The following KIAA0753 variants were observed in gnomAD, a reference collection of about 807,000 sequenced individuals.
KIAA0753 encodes the protein KIAA0753, also known as protein moonraker.
KIAA0753 carries 114 observed loss-of-function variants against 116.9 expected under a neutral mutation model. The ratio of observed to expected loss-of-function variants is 0.98; its 90% CI spans 0.84 to 1.14. The LOEUF (loss-of-function observed/expected upper bound fraction) is 1.14, where lower values mean the gene tolerates loss of function less well. Ranked by LOEUF, KIAA0753 falls within the 50% of genes most tolerant of loss-of-function variation. The pLI is 0.00. For synonymous variants in KIAA0753, 405 were observed against 413.1 expected (o/e 0.98, Z 0.24); for missense variants, 1,156 against 1,172.4 (o/e 0.99, Z 0.20).
chr17:6,590,547 C>A lies in KIAA0753; in HGVS notation c.2524G>T (p.Ala842Ser). Residue 842 changes from alanine (A) to serine (S), a missense_variant, in exon 17 of 19, where the codon GCC becomes TCC. By Grantham distance (99) the Ala-to-Ser change is moderately conservative. Transcript: ENST00000361413. ...GGCCTTTCTAACATGATGTTCACGG[C>A]TGGATCCTTGCGATCCACTGTCTTC... is the stretch of plus-strand genomic sequence containing the variant. ...ITKTVDRKDP[A>S]VNIMLERPCN... The A allele has an allele frequency of 6.2e-7, 1 of 1,614,032 alleles. No individual in the cohort carries two copies. The highest frequency in any genetic ancestry group is 1.1e-5 in the South Asian group (1 of 91,072).
chr17:6,640,038 C>T (rs1198832632), intron 1 of KIAA0753: 2 of 152,962 alleles, frequency 1.3e-5, no homozygotes, highest in Non-Finnish European at 2.9e-5. Flanking sequence ...CCTCATTCGC[C>T]CCGGCGGCGT....
intron 3 of KIAA0753, among the ~76,000 whole-genome samples, chr17:6,627,055 A>G (rs535440028): frequency 6.6e-6 from 1 of 152,270 alleles, no homozygotes; most frequent in Admixed American, 6.5e-5. Flanking sequence ...ATTATACAAC[A>G]CACTCTTTAA....
intron 16 of KIAA0753, among the ~76,000 whole-genome samples, chr17:6,593,762 T>C (rs559372586): frequency 1.5e-4 from 23 of 152,350 alleles, no homozygotes; most frequent in African/African-American, 5.3e-4. Flanking sequence ...CACACACCTG[T>C]AGTCCCAGCT....
chr17:6,599,084 G>A (rs1969674849), intron 14 of KIAA0753, among the ~76,000 whole-genome samples, 153 bp downstream of exon 14: 1 of 152,188 alleles, frequency 6.6e-6, no homozygotes, highest in Non-Finnish European at 1.5e-5. Context: ...AATATACACT[G>A]GAAGAATTAA....
chr17:6,583,613 T>C (rs977813450), intron 18 of KIAA0753, among the ~76,000 whole-genome samples: 2 of 152,372 alleles, frequency 1.3e-5, no homozygotes, highest in Admixed American at 6.5e-5. Flanking sequence ...AATATTTTCT[T>C]CTGTTGTGTC....
At chr17:6,590,033 T>C in intron 17 of KIAA0753, 30 bp from the exon 18 acceptor site, 1 of 1,462,400 alleles carries the variant, frequency 6.8e-7, no homozygotes, top group South Asian at 1.4e-5. Context: ...ATGAAAGCAT[T>C]CAAGATCATC....
chr17:6,618,148 G>T (rs1971061846), intron 7 of KIAA0753, among the ~76,000 whole-genome samples: 1 of 152,072 alleles, frequency 6.6e-6, no homozygotes. Context: ...TACAGGGTTT[G>T]GGGAGCTCCC....
In KIAA0753 at chr17:6,628,412, G is replaced by A; in HGVS notation, c.423C>T (p.Asp141=). Residue 141 remains aspartate, a synonymous_variant, in exon 3 of 19, where the codon GAC becomes GAT. Transcript: ENST00000361413. ...KCGHTKYKIP[D]HRVERKESKS... ...TTGATTCCTTCCTTTCCACCCTGTG[G>A]TCGGGTATTTTATACTTAGTATGTC... The A allele has an allele frequency of 1.2e-6, 2 of 1,614,194 alleles. No homozygotes were observed. Among genetic ancestry groups the A allele is most frequent in the African/African-American group, 1.3e-5 (1 of 75,058 alleles).
intron 9 of KIAA0753, among the ~76,000 whole-genome samples, chr17:6,609,400 GCTC>G (rs1262160001): frequency 6.6e-6 from 1 of 152,134 alleles, no homozygotes; most frequent in Non-Finnish European, 1.5e-5. Context: ...ACTGGACCCT[GCTC>G]CTCTTCTCTC....
Position 6,639,813 on chromosome 17 carries a change from G to A in KIAA0753, c.-69+824C>T, listed in dbSNP as rs544711530. 1 of 152,930 alleles carries A rather than the reference G, an allele frequency of 6.5e-6. No individual in the cohort carries two copies. Among genetic ancestry groups the A allele is most frequent in the South Asian group, 2.1e-4 (1 of 4,842 alleles). The allele number at this position is 152,930 out of a possible 1,614,324, so 9.5% of individuals were successfully genotyped here. A position where few individuals can be genotyped will look rare whatever the true frequency, so the allele number is the denominator to read the frequency against. ...TCATAGCCTGCACCTTCAGCCACAG[G>A]TGCAGAATGCTCTCATGGCCCAGAG... On this transcript the variant is annotated intron_variant, in intron 1 of 18. Coordinates refer to ENST00000361413, the MANE Select transcript of KIAA0753 (RefSeq NM_014804.3). This position sits in a 1 kb window ranked among gnomAD's most constrained non-coding sequence, Gnocchi z 4.3.
chr17:6,622,957 A>T lies in KIAA0753; in HGVS notation c.1029T>A (p.Leu343=). The stretch of plus-strand genomic sequence containing the variant: ...CATCCAGCTTGACAGAACAAAGTGA[A>T]AGCTGGCGAATAAGGCTGCCCAGTT... ...CKELGSLIRQ[L]SLCSVKLDAD... is the part of the protein sequence containing the mutation. Residue 343 remains leucine, a synonymous_variant, in exon 6 of 19, where the codon CTT becomes CTA. Transcript: ENST00000361413. 2 of 1,614,194 alleles carry T rather than the reference A, an allele frequency of 1.2e-6. No homozygotes were observed. The highest frequency in any genetic ancestry group is 1.7e-6 in the Non-Finnish European group (2 of 1,180,014).
chr17:6,628,540 A>T lies in KIAA0753; in HGVS notation c.295T>A (p.Tyr99Asn). The T allele has an allele frequency of 2.5e-6, 4 of 1,614,208 alleles. No homozygotes were observed. Among genetic ancestry groups the T allele is most frequent in the Non-Finnish European group, 3.4e-6 (4 of 1,180,032 alleles). The change falls in exon 3 of 19, where the codon TAT becomes AAT. Residue 99 changes from tyrosine (Y) to asparagine (N), a missense_variant. By Grantham distance (143) the Tyr-to-Asn change is moderately radical. Transcript: ENST00000361413. The stretch of plus-strand genomic sequence containing the variant: ...TCTCTTCTGGCTAGGTGGACAGCAT[A>T]GCTAAGTCTCTCTTGGGATATGACG... ...FSVISQERLS[Y>N]AVHLARRDVK...
intron 9 of KIAA0753, 29 bp from the exon 10 acceptor site, chr17:6,608,493 T>C: frequency 7.6e-7 from 1 of 1,310,524 alleles, no homozygotes; most frequent in Non-Finnish European, 1.0e-6. Context: ...CATACCTTTG[T>C]CATCATTCAC....
At chr17:6,602,900 T>A (rs1314905154) in intron 12 of KIAA0753, among the ~76,000 whole-genome samples, 1 of 151,998 alleles carries the variant, frequency 6.6e-6, no homozygotes, top group Non-Finnish European at 1.5e-5. Flanking sequence ...TTACTAGGTA[T>A]CTGAGGAAGG....
At chr17:6,607,660 T>C (rs1970279835) in intron 10 of KIAA0753, among the ~76,000 whole-genome samples, 1 of 152,222 alleles carries the variant, frequency 6.6e-6, no homozygotes, top group African/African-American at 2.4e-5. Flanking sequence ...TGTGAACAAC[T>C]CTGCTGTATG....
Position 6,595,057 on chromosome 17 carries a change from T to TAA in KIAA0753, c.2359-6_2359-5dup. On this transcript the variant is annotated splice_region_variant and splice_polypyrimidine_tract_variant and intron_variant, in intron 15 of 18. Coordinates refer to ENST00000361413, the MANE Select transcript of KIAA0753 (RefSeq NM_014804.3). The stretch of plus-strand genomic sequence containing the variant: ...GACGAACAGACTCCTGGTATTTCTT[T>TAA]AAAAAAAAAGAAAAAAGTTTAATTT... The TAA allele has an allele frequency of 6.5e-7, 1 of 1,534,610 alleles. No individual in the cohort carries two copies. The highest frequency in any genetic ancestry group is 8.9e-7 in the Non-Finnish European group (1 of 1,123,054).
intron 8 of KIAA0753, 93 bp from the exon 9 acceptor site, chr17:6,610,253 T>G: frequency 7.4e-7 from 1 of 1,349,366 alleles, no homozygotes; most frequent in Non-Finnish European, 1.0e-6. Context: ...GTTCTCCATG[T>G]TATTCATGCA....
chr17:6,611,166 G>A (rs1392286472), intron 8 of KIAA0753, among the ~76,000 whole-genome samples: 1 of 152,170 alleles, frequency 6.6e-6, no homozygotes, highest in African/African-American at 2.4e-5. Flanking sequence ...TTAAACAGAA[G>A]CTTAAAATAT....
At chr17:6,609,401 C>T (rs1217703086) in intron 9 of KIAA0753, among the ~76,000 whole-genome samples, 2 of 152,230 alleles carry the variant, frequency 1.3e-5, no homozygotes, top group Admixed American at 1.3e-4. Context: ...CTGGACCCTG[C>T]TCCTCTTCTC....
Sources: gnomAD v4.1 joint callset for allele counts (sites outside exome capture counted in the v4.1 genomes callset) on GRCh38, gnomAD v4.1.1 for gene constraint, Gnocchi (gnomAD v3.1) non-coding constraint, MANE v1.5 for transcripts, NCBI Gene and HGNC (gene_info 2026-07-23, HGNC 2026-07-21) for gene names.